Variants in NEDD4L observed in about 807,000 individuals in gnomAD.
NEDD4L encodes E3 ubiquitin-protein ligase NEDD4-like.
In NEDD4L, 54 loss-of-function variants were observed where a neutral mutation model predicts 148.9. The observed-to-expected ratio is 0.36, with a 90% confidence interval of 0.29 to 0.45. The LOEUF (loss-of-function observed/expected upper bound fraction) is 0.45. Ranked by LOEUF, NEDD4L falls within the 20% of genes least tolerant of loss-of-function variation. NEDD4L has a pLI of 1.00. For synonymous variants in NEDD4L, 433 were observed against 440.7 expected, an observed-to-expected ratio of 0.98 and a Z score of 0.22; for missense variants, 856 against 1,233.8, an observed-to-expected ratio of 0.69 and a Z score of 4.59.
chr18:58,184,586 T>C (rs538500076), intron 2 of NEDD4L, among the ~76,000 whole-genome samples: 1 of 152,200 alleles, frequency 6.6e-6, no homozygotes, highest in African/African-American at 2.4e-5. Context: ...ATTAACACAG[T>C]GTAGTCCAGA....
At chr18:58,152,135 C>T (rs1324375270) in intron 1 of NEDD4L, among the ~76,000 whole-genome samples, 1 of 151,988 alleles carries the variant, frequency 6.6e-6, no homozygotes, top group Non-Finnish European at 1.5e-5. Flanking sequence ...TCATTATAGA[C>T]AATTGTACTC....
intron 1 of NEDD4L, among the ~76,000 whole-genome samples, chr18:58,156,603 G>A (rs867556908): frequency 1.3e-5 from 2 of 152,026 alleles, no homozygotes; most frequent in African/African-American, 4.8e-5. Flanking sequence ...ACCCCCCACC[G>A]CCTCCCACGC....
chr18:58,390,864 T>TG, intron 29 of NEDD4L, 122 bp downstream of exon 29: 1 of 712,100 alleles, frequency 1.4e-6, no homozygotes. Context: ...CAGTGTGCCA[T>TG]GCATAGGTTC....
At chr18:58,294,190 C>A (rs1425215822) in intron 5 of NEDD4L, among the ~76,000 whole-genome samples, 1 of 152,168 alleles carries the variant, frequency 6.6e-6, no homozygotes, top group Non-Finnish European at 1.5e-5. Context: ...CCGCTTTCTT[C>A]CAAAATAAAC....
chr18:58,353,828 C>T (rs563211133), intron 18 of NEDD4L, among the ~76,000 whole-genome samples: 6 of 152,288 alleles, frequency 3.9e-5, no homozygotes, highest in African/African-American at 9.6e-5. Flanking sequence ...GTTATGCCCA[C>T]GTATGCCACA....
chr18:58,075,143 A>C (rs1055883672), intron 1 of NEDD4L, among the ~76,000 whole-genome samples: 1 of 152,200 alleles, frequency 6.6e-6, no homozygotes, highest in Non-Finnish European at 1.5e-5. Flanking sequence ...AAAGCGTCGT[A>C]GTAGCAGAGA....
At chr18:58,394,910 G>A (rs1020327877) in intron 30 of NEDD4L, among the ~76,000 whole-genome samples, 4 of 152,184 alleles carry the variant, frequency 2.6e-5, no homozygotes, top group African/African-American at 7.2e-5. Context: ...TGGAGGGGGC[G>A]GTTTTAAACA....
intron 1 of NEDD4L, among the ~76,000 whole-genome samples, chr18:58,079,167 G>A (rs554124201): frequency 7.9e-5 from 12 of 152,250 alleles, no homozygotes; most frequent in Middle Eastern, 6.8e-3. Flanking sequence ...GCTCAGTTCC[G>A]GGGTTTAATT....
At chr18:58,165,665 G>T (rs1367988960) in intron 1 of NEDD4L, 123 bp from the exon 2 acceptor site, 2 of 1,525,932 alleles carry the variant, frequency 1.3e-6, no homozygotes, top group Non-Finnish European at 1.8e-6. Context: ...GCTTATGCTC[G>T]AATTGATTTG....
intron 2 of NEDD4L, among the ~76,000 whole-genome samples, chr18:58,184,085 C>A (rs1031920982): frequency 6.6e-6 from 1 of 152,094 alleles, no homozygotes; most frequent in Admixed American, 6.5e-5. Flanking sequence ...AGGAGAATGG[C>A]GAGAACCTGG....
chr18:58,050,589 C>T (rs1007473274), intron 1 of NEDD4L, among the ~76,000 whole-genome samples: 23 of 151,726 alleles, frequency 1.5e-4, no homozygotes, highest in Non-Finnish European at 2.5e-4. Flanking sequence ...GGTGAAACTC[C>T]GTCTTTACTA....
At chr18:58,141,340 G>T (rs899173682) in intron 1 of NEDD4L, among the ~76,000 whole-genome samples, 17 of 152,206 alleles carry the variant, frequency 1.1e-4, no homozygotes, top group African/African-American at 3.9e-4. Context: ...TGTTACTGCA[G>T]ACAGGCACAT....
chr18:58,185,029 T>A (rs2039309995), intron 2 of NEDD4L, among the ~76,000 whole-genome samples: 1 of 152,234 alleles, frequency 6.6e-6, no homozygotes, highest in Admixed American at 6.5e-5. Context: ...TTAGGCCATT[T>A]GTTTACAGTT....
chr18:58,210,727 G>C (rs1437618008), intron 2 of NEDD4L, among the ~76,000 whole-genome samples: 3 of 152,016 alleles, frequency 2.0e-5, no homozygotes, highest in Non-Finnish European at 2.9e-5. Flanking sequence ...AACATGGAAA[G>C]GTTCCCAGTT....
chr18:58,372,038 A>G (rs2046946301), intron 23 of NEDD4L: 1 of 152,136 alleles, frequency 6.6e-6, no homozygotes, highest in African/African-American at 2.4e-5. Context: ...TGCTGACATT[A>G]ACCTGGAGAG....
intron 5 of NEDD4L, among the ~76,000 whole-genome samples, chr18:58,293,255 A>ACTCTT (rs1338293128): frequency 6.6e-6 from 1 of 152,070 alleles, no homozygotes; most frequent in Admixed American, 6.6e-5. Context: ...GTATCCATGG[A>ACTCTT]CTCTTCTTCA....
intron 1 of NEDD4L, among the ~76,000 whole-genome samples, chr18:58,125,614 C>T (rs1459287210): frequency 2.6e-5 from 4 of 152,170 alleles, no homozygotes; most frequent in Non-Finnish European, 5.9e-5. Context: ...CCAGCCTCTC[C>T]ACTCTCTTCT....
chr18:58,255,095 T>A (rs1176716538), intron 5 of NEDD4L, among the ~76,000 whole-genome samples: 4 of 152,214 alleles, frequency 2.6e-5, no homozygotes, highest in Admixed American at 2.6e-4. Flanking sequence ...CCGTGTGTGC[T>A]GTTAAACATG....
chr18:58,314,065 C>T (rs2057993811), intron 5 of NEDD4L, among the ~76,000 whole-genome samples: 1 of 152,168 alleles, frequency 6.6e-6, no homozygotes, highest in Admixed American at 6.5e-5. Flanking sequence ...GGTCAATATT[C>T]AGTGAATTTC....
Sources: allele counts gnomAD v4.1 joint callset (sites outside exome capture counted in the v4.1 genomes callset), GRCh38; gene constraint gnomAD v4.1.1; transcripts MANE v1.5; gene names NCBI Gene and HGNC (gene_info 2026-07-23, HGNC 2026-07-21).